TPP2: variants seen among roughly 807,000 people sequenced by gnomAD.
The protein encoded by TPP2 is tripeptidyl-peptidase 2.
Under a neutral mutation model 155.9 loss-of-function variants are expected in TPP2, and 34 were observed. That is an observed-to-expected ratio of 0.22 (90% CI 0.17 to 0.29). The LOEUF (loss-of-function observed/expected upper bound fraction) is 0.29. Among genes scored for constraint, TPP2 ranks in the 10% least tolerant of loss-of-function variants. TPP2 has a pLI of 1.00. For synonymous variants in TPP2, 510 were observed against 529.4 expected (o/e 0.96, Z 0.50); for missense variants, 1,028 against 1,522.3 (o/e 0.68, Z 5.40).
chr13:102,605,205 A>C (rs913143614), intron 2 of TPP2, among the ~76,000 whole-genome samples: 1 of 152,130 alleles, frequency 6.6e-6, no homozygotes. Flanking sequence ...AAGAAGGGGA[A>C]GTTTGTTTCC....
chr13:102,634,765 T>A (rs1882259877), intron 11 of TPP2, among the ~76,000 whole-genome samples: 1 of 152,212 alleles, frequency 6.6e-6, no homozygotes. Flanking sequence ...CTTCTCTAGG[T>A]TGAGCCCACA....
chr13:102,647,138 CAATATT>C (rs2139540173), intron 20 of TPP2, 63 bp from the exon 21 acceptor site: 1 of 1,464,276 alleles, frequency 6.8e-7, no homozygotes, highest in African/African-American at 1.4e-5. Flanking sequence ...ATGTCAATAA[CAATATT>C]AAAAATTTGT....
At chr13:102,643,767 A>G (rs2139529346) in intron 17 of TPP2, among the ~76,000 whole-genome samples, 1 of 152,358 alleles carries the variant, frequency 6.6e-6, no homozygotes, top group East Asian at 1.9e-4. Context: ...GCATTATAGG[A>G]AAACTGCTAC....
chr13:102,618,862 T>A lies in TPP2; in HGVS notation c.620+16T>A. ...AAGTCTGGAGGTAAACTTCGTGTAT[T>A]TTATACATCTTCATTTACAAATGTT... On this transcript the variant is annotated intron_variant, in intron 5 of 29. Transcript: ENST00000376052. The A allele has an allele frequency of 6.3e-7, 1 of 1,587,548 alleles. No homozygotes were observed. Among genetic ancestry groups the A allele is most frequent in the Non-Finnish European group, 8.5e-7 (1 of 1,169,852 alleles).
At chr13:102,673,060 A>G (rs1288181312) in intron 27 of TPP2, among the ~76,000 whole-genome samples, 1 of 152,210 alleles carries the variant, frequency 6.6e-6, no homozygotes, top group East Asian at 1.9e-4. Flanking sequence ...CTTTCAAGGT[A>G]CAGGATCAAA....
At chr13:102,611,611 A>G (rs534032968) in intron 2 of TPP2, among the ~76,000 whole-genome samples, 113 of 152,298 alleles carry the variant, frequency 7.4e-4, no homozygotes, top group African/African-American at 2.6e-3. Context: ...GTGAGCCAAT[A>G]TGGCGCCACT....
In TPP2 at chr13:102,650,097, T is replaced by C. The variant is rs114632187; in HGVS notation, c.2952+611T>C. ...TTCTGGTTGTTGTACTTTAGACATA[T>C]ATGTTACAGTTTTATAAGTACCTAC... is the stretch of plus-strand genomic sequence containing the variant. On this transcript the variant is annotated intron_variant, in intron 23 of 29. Transcript: ENST00000376052. 2.0e-3 allele frequency among the ~76,000 whole-genome samples: 310 copies of C among 152,302 alleles called. 2 individuals are homozygous for C. Among genetic ancestry groups the C allele is most frequent in the African/African-American group, 7.2e-3 (298 of 41,580 alleles).
intron 2 of TPP2, 25 bp from the exon 3 acceptor site, chr13:102,614,076 C>A (rs775602443): frequency 2.5e-6 from 4 of 1,597,744 alleles, no homozygotes; most frequent in Admixed American, 3.4e-5. Context: ...AGTGAATGAA[C>A]AGGTTACTCT....
intron 29 of TPP2, among the ~76,000 whole-genome samples, chr13:102,676,940 C>T (rs886993700): frequency 1.3e-5 from 2 of 152,114 alleles, no homozygotes; most frequent in African/African-American, 2.4e-5. Context: ...AGTCTGACCT[C>T]GTCTTTGAAC....
At chr13:102,646,786 G>GT (rs1461102201) in intron 20 of TPP2, among the ~76,000 whole-genome samples, 1 of 152,180 alleles carries the variant, frequency 6.6e-6, no homozygotes, top group East Asian at 1.9e-4. Flanking sequence ...GGTGGGATGG[G>GT]TGGCAAAAGT....
chr13:102,618,876 T>G, intron 5 of TPP2, 30 bp downstream of exon 5: 2 of 1,575,660 alleles, frequency 1.3e-6, no homozygotes, highest in Non-Finnish European at 8.6e-7. Flanking sequence ...TACATCTTCA[T>G]TTACAAATGT....
At chr13:102,600,387 G>A (rs943620455) in intron 1 of TPP2, among the ~76,000 whole-genome samples, 3 of 151,966 alleles carry the variant, frequency 2.0e-5, no homozygotes, top group Non-Finnish European at 2.9e-5. Context: ...TTAATTCTGC[G>A]CGCCCCCTCC....
rs758760400 is a variant in TPP2, at chr13:102,644,928, A to G, written c.2312A>G (p.Asn771Ser). The G allele has an allele frequency of 6.8e-6, 11 of 1,613,904 alleles. No homozygotes were observed. Among genetic ancestry groups the G allele is most frequent in the South Asian group, 4.4e-5 (4 of 91,082 alleles). Residue 771 changes from asparagine to serine, a missense_variant, in exon 19 of 30, where the codon AAC (asparagine) becomes AGC (serine). Coordinates refer to ENST00000376052, the MANE Select transcript of TPP2 (RefSeq NM_001330588.2). ...TTGTAGCATGCATCGGAAGGAATCA[A>G]CCGCTTTGATGTTCAGTCCTCCTTG... ...QLNIHASEGI[N>S]RFDVQSSLKY...
At chr13:102,611,220 C>G (rs74112110) in intron 2 of TPP2, among the ~76,000 whole-genome samples, 1,620 of 152,276 alleles carry the variant, frequency 0.011, 33 homozygotes, top group African/African-American at 0.036. Flanking sequence ...GTGTGTGTAT[C>G]CTGTGCACAT....
At position 102,674,334 on chromosome 13, in the gene TPP2, T is replaced by G; in HGVS notation, c.3423T>G (p.Gly1141=). The G allele has an allele frequency of 6.2e-7, 1 of 1,613,848 alleles. No homozygotes were observed. Among genetic ancestry groups the G allele is most frequent in the South Asian group, 1.1e-5 (1 of 91,050 alleles). Reference sequence around the variant, plus strand: ...TCGTAGATGCCCTTTGTAGGAAAGGTTGTGCCCTGGCAGACCATCTTCTTC... The same window carrying G: ...TCGTAGATGCCCTTTGTAGGAAAGGGTGTGCCCTGGCAGACCATCTTCTTC... ...STLVDALCRK[G]CALADHLLHT... The change falls in exon 28 of 30, where the codon GGT becomes GGG. Residue 1141 remains glycine, a synonymous_variant. Transcript: ENST00000376052.
intron 4 of TPP2, among the ~76,000 whole-genome samples, chr13:102,617,479 G>A (rs918800446): frequency 1.7e-4 from 26 of 152,246 alleles, no homozygotes; most frequent in Admixed American, 6.5e-5. Flanking sequence ...AAACAGCATC[G>A]ATGTTTGTGA....
chr13:102,603,229 T>TA (rs1244080353), intron 1 of TPP2, among the ~76,000 whole-genome samples: 1 of 152,236 alleles, frequency 6.6e-6, no homozygotes, highest in Non-Finnish European at 1.5e-5. Context: ...CAGGCACTGC[T>TA]AGGTAGTGGG....
chr13:102,630,011 T>C, intron 9 of TPP2, 85 bp from the exon 10 acceptor site: 1 of 1,104,780 alleles, frequency 9.1e-7, no homozygotes, highest in Non-Finnish European at 1.3e-6. Context: ...GTTGAGAGAT[T>C]AGGCAGTTTA....
intron 19 of TPP2, among the ~76,000 whole-genome samples, chr13:102,645,394 G>A (rs1883036265): frequency 6.6e-6 from 1 of 152,194 alleles, no homozygotes. Context: ...CTTAAGTACT[G>A]TAGCCTGCTG....
Sources: allele counts gnomAD v4.1 joint callset (sites outside exome capture counted in the v4.1 genomes callset), GRCh38; gene constraint gnomAD v4.1.1; transcripts MANE v1.5; gene names NCBI Gene and HGNC (gene_info 2026-07-23, HGNC 2026-07-21).